Variants in HDAC9 observed in about 807,000 individuals in gnomAD.
HDAC9 encodes the protein MEF-2 interacting transcription repressor (MITR) protein.
A neutral mutation model predicts 139.4 loss-of-function variants in HDAC9; 41 were observed. That is an observed-to-expected ratio of 0.29 (90% CI 0.23 to 0.38). The LOEUF (loss-of-function observed/expected upper bound fraction) is 0.38, where lower values mean the gene tolerates loss of function less well. Ranked by LOEUF, HDAC9 falls within the 10% of genes least tolerant of loss-of-function variation. HDAC9 has a pLI of 1.00. For synonymous variants in HDAC9, 517 were observed against 476.2 expected, an observed-to-expected ratio of 1.09 and a Z score of -1.12; for missense variants, 1,147 against 1,297.0, an observed-to-expected ratio of 0.88 and a Z score of 1.78.
intron 1 of HDAC9, among the ~76,000 whole-genome samples, chr7:18,125,512 G>A (rs1337377633): frequency 2.6e-5 from 4 of 151,970 alleles, no homozygotes; most frequent in Non-Finnish European, 5.9e-5. Flanking sequence ...TGTTTCTTAA[G>A]TGATGATAAA....
chr7:18,723,674 G>A (rs911346512), intron 12 of HDAC9, among the ~76,000 whole-genome samples: 2 of 151,692 alleles, frequency 1.3e-5, no homozygotes, highest in Non-Finnish European at 2.9e-5. Flanking sequence ...TATCTTACAG[G>A]GTTTCAGTGA....
intron 1 of HDAC9, among the ~76,000 whole-genome samples, chr7:18,107,954 C>G (rs1002755241): frequency 1.3e-5 from 2 of 152,122 alleles, no homozygotes; most frequent in Non-Finnish European, 2.9e-5. Flanking sequence ...TTCTCTGAAT[C>G]AGATTCTTAG....
Position 18,585,363 on chromosome 7 carries a change from C to T in HDAC9, c.105C>T (p.Pro35=), listed in dbSNP as rs529975246. Residue 35 remains proline (P), a synonymous_variant, in exon 3 of 26, where the codon CCC becomes CCT. Coordinates refer to ENST00000686413, the MANE Select transcript of HDAC9 (RefSeq NM_178425.4). ...GGACAGACCTCAGGATGATGATGCCCGTGGTGGACCCTGTTGTCCGTGAGA... is the reference window on the plus strand; with the variant it reads ...GGACAGACCTCAGGATGATGATGCCTGTGGTGGACCCTGTTGTCCGTGAGA... ...DLRTDLRMMM[P]VVDPVVREKQ... is the part of the protein sequence containing the mutation. 6.8e-6 allele frequency: 11 copies of T among 1,613,892 alleles called. No homozygotes were observed. The highest frequency in any genetic ancestry group is 4.4e-5 in the South Asian group (4 of 91,074).
intron 2 of HDAC9, among the ~76,000 whole-genome samples, chr7:18,211,355 A>G (rs1446304629): frequency 2.0e-5 from 3 of 152,210 alleles, no homozygotes; most frequent in Admixed American, 1.3e-4. Context: ...AATATAGCAC[A>G]TAGTAGGTGA....
intron 2 of HDAC9, among the ~76,000 whole-genome samples, chr7:18,550,835 A>G (rs1181977601): frequency 6.6e-6 from 1 of 152,216 alleles, no homozygotes; most frequent in Admixed American, 6.5e-5. Context: ...AGATCTGACT[A>G]CAAAGGGCTT....
At chr7:18,863,890 T>G (rs766460001) in intron 21 of HDAC9, among the ~76,000 whole-genome samples, 21 of 152,166 alleles carry the variant, frequency 1.4e-4, no homozygotes, top group Non-Finnish European at 2.8e-4. Context: ...GAACAGCCAG[T>G]GTGAAATCTC....
At chr7:18,165,824 A>G (rs2128129840) in intron 2 of HDAC9, among the ~76,000 whole-genome samples, 1 of 151,966 alleles carries the variant, frequency 6.6e-6, no homozygotes, top group East Asian at 1.9e-4. Context: ...GAAAGAAAGA[A>G]AGCTAACACA....
At chr7:18,835,711 C>A in intron 20 of HDAC9, 125 bp downstream of exon 20, 1 of 1,335,590 alleles carries the variant, frequency 7.5e-7, no homozygotes, top group Non-Finnish European at 1.1e-6. Context: ...CTGAATTGTC[C>A]CATGGGACCA....
At chr7:18,103,929 C>T (rs976171796) in intron 1 of HDAC9, among the ~76,000 whole-genome samples, 58 of 152,184 alleles carry the variant, frequency 3.8e-4, no homozygotes, top group African/African-American at 1.4e-3. Flanking sequence ...TGGCCAGAGC[C>T]GATCCCAGCA....
chr7:18,936,798 A>AT (rs996201161), intron 23 of HDAC9, among the ~76,000 whole-genome samples: 99 of 152,154 alleles, frequency 6.5e-4, no homozygotes, highest in African/African-American at 1.8e-3. Flanking sequence ...CATTCATATC[A>AT]TTTTTTTAAC....
intron 2 of HDAC9, among the ~76,000 whole-genome samples, chr7:18,277,488 G>C (rs144102010): frequency 1.4e-4 from 21 of 152,300 alleles, no homozygotes; most frequent in Middle Eastern, 3.4e-3. Flanking sequence ...CAAGGTGGGA[G>C]GAGGAGGATG....
intron 1 of HDAC9, among the ~76,000 whole-genome samples, chr7:18,101,433 G>T (rs998794462): frequency 5.9e-5 from 9 of 152,108 alleles, no homozygotes; most frequent in African/African-American, 1.7e-4. Flanking sequence ...TTCATATTTT[G>T]TACAGAACTT....
In HDAC9 at chr7:18,338,471, A is replaced by T. The variant is rs1294321834; in HGVS notation, c.-42+47956A>T. On this transcript the variant is annotated intron_variant, in intron 1 of 3. Coordinates refer to the HDAC9 transcript ENST00000413509. ...TTGGCAGTATTACTGAGTGAATATC[A>T]CTTACTTTGACATAAACAAAAAGTT... 2.0e-5 allele frequency among the ~76,000 whole-genome samples: 3 copies of T among 151,668 alleles called. No individual in the cohort carries two copies. In the South Asian group the frequency reaches 6.2e-4, roughly 31 times the overall value.
intron 1 of HDAC9, among the ~76,000 whole-genome samples, chr7:18,406,451 T>G (rs960026682): frequency 6.6e-6 from 1 of 152,106 alleles, no homozygotes; most frequent in Admixed American, 6.5e-5. Context: ...GGAGTGCAAG[T>G]GGTGCGATCT....
chr7:18,861,847 T>C (rs1241619431), intron 21 of HDAC9, among the ~76,000 whole-genome samples: 1 of 152,238 alleles, frequency 6.6e-6, no homozygotes, highest in Non-Finnish European at 1.5e-5. Flanking sequence ...CAGGTATATA[T>C]GTGAGTGTAC....
chr7:18,934,736 G>A (rs1585348086), intron 22 of HDAC9, among the ~76,000 whole-genome samples: 1 of 152,048 alleles, frequency 6.6e-6, no homozygotes, highest in African/African-American at 2.4e-5. Context: ...TCTGAGGGTG[G>A]GGCTTGGTAA....
At position 18,172,493 on chromosome 7, in the gene HDAC9, C is replaced by T. The variant is rs187292213; in HGVS notation, c.25+10144C>T. Among the ~76,000 whole-genome samples, 8 of 152,234 alleles carry T rather than the reference C, an allele frequency of 5.3e-5. No homozygotes were observed. The East Asian group carries it at 1.5e-3, about 29-fold the overall frequency. ...TTAGTTATTTCTTGCCTTCTGCTAC[C>T]TTTTCAATTTGTTTGCTCTTGCTTC... On this transcript the variant is annotated intron_variant, in intron 2 of 12. Transcript: ENST00000417496.
chr7:18,671,665 A>C lies in HDAC9; in HGVS notation c.1731+5189A>C, dbSNP rs553508468. The stretch of plus-strand genomic sequence containing the variant: ...CAGCCATCACTAGTATCTAATTCCA[A>C]AACACTTCCATTAACCCCAACTCAA... On this transcript the variant is annotated intron_variant, in intron 12 of 25. Transcript: ENST00000686413. Among the ~76,000 whole-genome samples, 25 of 152,122 alleles carry C rather than the reference A, an allele frequency of 1.6e-4. 1 individual carries two copies. The South Asian group carries it at 5.2e-3, about 32-fold the overall frequency.
intron 24 of HDAC9, among the ~76,000 whole-genome samples, chr7:18,966,239 T>C (rs573136213): frequency 6.6e-6 from 1 of 152,312 alleles, no homozygotes; most frequent in Admixed American, 6.5e-5. Flanking sequence ...TAACTAGCGC[T>C]TCCCTTTTAA....
Sources: gnomAD v4.1 joint callset for allele counts (sites outside exome capture counted in the v4.1 genomes callset) on GRCh38, gnomAD v4.1.1 for gene constraint, MANE v1.5 for transcripts, NCBI Gene and HGNC (gene_info 2026-07-23, HGNC 2026-07-21) for gene names.